Variants in CHSY3 observed in about 807,000 individuals in gnomAD.
The protein encoded by CHSY3 is N-acetylgalactosaminyl-proteoglycan 3-beta-glucuronosyltransferase 3.
In CHSY3, 35 loss-of-function variants were observed where a neutral mutation model predicts 67.2. The observed-to-expected ratio is 0.52, with a 90% CI of 0.40 to 0.69. The LOEUF is 0.69. Among genes scored for constraint, CHSY3 ranks in the 30% least tolerant of loss-of-function variants. The pLI is 0.00. For missense variants in CHSY3, 1,069 were observed against 1,138.5 expected, an observed-to-expected ratio of 0.94 and a Z score of 0.88; for synonymous variants, 474 against 434.7, an observed-to-expected ratio of 1.09 and a Z score of -1.12.
At chr5:129,993,846 T>C (rs1031503287) in intron 2 of CHSY3, among the ~76,000 whole-genome samples, 1 of 151,550 alleles carries the variant, frequency 6.6e-6, no homozygotes, top group Non-Finnish European at 1.5e-5. Flanking sequence ...CAGTGGCTGG[T>C]ACTGGTTGTT....
chr5:130,098,175 C>A (rs562399336), intron 2 of CHSY3, among the ~76,000 whole-genome samples: 1 of 152,208 alleles, frequency 6.6e-6, no homozygotes, highest in African/African-American at 2.4e-5. Context: ...TGAAGTATCC[C>A]TCATGAGAAC....
At chr5:129,989,434 G>A (rs1317432536) in intron 2 of CHSY3, among the ~76,000 whole-genome samples, 2 of 151,804 alleles carry the variant, frequency 1.3e-5, no homozygotes, top group African/African-American at 4.8e-5. Flanking sequence ...CAAATTTTGT[G>A]TTTTTAGTAG....
chr5:129,931,137 C>T lies in CHSY3; in HGVS notation c.1086+22777C>T, dbSNP rs910272048. ...GTGTGGCTTTGAAAATAATTTAAAA[C>T]ATGTATATTTGTGAAAAATATATCC... is the stretch of plus-strand genomic sequence containing the variant. On this transcript the variant is annotated intron_variant, in intron 2 of 2. Transcript: ENST00000305031. Among the ~76,000 whole-genome samples, 6 of 152,016 alleles carry T rather than the reference C, an allele frequency of 3.9e-5. No homozygotes were observed. In the South Asian group the frequency reaches 1.2e-3, roughly 32 times the overall value.
chr5:129,915,563 C>T (rs538632003), intron 2 of CHSY3, among the ~76,000 whole-genome samples: 92 of 152,176 alleles, frequency 6.0e-4, no homozygotes, highest in South Asian at 2.1e-3. Context: ...TTTACTCAAC[C>T]TTTGTAATTT....
Position 130,163,793 on chromosome 5 carries a change from TAG to T in CHSY3, c.1087-20434_1087-20433del, listed in dbSNP as rs1433067187. 2.0e-3 allele frequency among the ~76,000 whole-genome samples: 305 copies of T among 152,226 alleles called. 1 individual carries two copies. The highest frequency in any genetic ancestry group is 6.7e-3 in the African/African-American group (280 of 41,546). On this transcript the variant is annotated intron_variant, in intron 2 of 2. Coordinates refer to ENST00000305031, the MANE Select transcript of CHSY3 (RefSeq NM_175856.5). ...ATGTCTAATTGATAGAGGAATAAATTAGAAAGTAAAGCATTATAGTAAACACC... is the reference window on the plus strand; with the variant it reads ...ATGTCTAATTGATAGAGGAATAAATTAAAGTAAAGCATTATAGTAAACACC...
chr5:130,118,268 T>C (rs1342280169), intron 2 of CHSY3, among the ~76,000 whole-genome samples: 1 of 152,210 alleles, frequency 6.6e-6, no homozygotes, highest in Non-Finnish European at 1.5e-5. Context: ...TAGTAACTAA[T>C]ATTTTAGCTT....
intron 2 of CHSY3, among the ~76,000 whole-genome samples, chr5:129,959,886 GA>G: frequency 6.6e-6 from 1 of 152,080 alleles, no homozygotes; most frequent in African/African-American, 2.4e-5. Flanking sequence ...AAATTTCTCT[GA>G]TATCATACTT....
Position 129,939,543 on chromosome 5 carries a change from AAAAAT to A in CHSY3, c.1086+31192_1086+31196del, listed in dbSNP as rs371744851. On this transcript the variant is annotated intron_variant, in intron 2 of 2. Coordinates refer to ENST00000305031, the MANE Select transcript of CHSY3 (RefSeq NM_175856.5). Reference sequence around the variant, plus strand: ...GGTACTATGTTTTATGTATAATTTGAAAAATAAAATAAACTTAGAAATTACATACT... The same window carrying A: ...GGTACTATGTTTTATGTATAATTTGAAAAATAAACTTAGAAATTACATACT... Among the ~76,000 whole-genome samples, 871 of 152,290 alleles carry A rather than the reference AAAAAT, an allele frequency of 5.7e-3. 10 individuals carry two copies. Among genetic ancestry groups the A allele is most frequent in the African/African-American group, 0.02 (841 of 41,562 alleles).
In CHSY3 at chr5:130,186,443, A is replaced by G. The variant is rs10057029; in HGVS notation, c.*652A>G. 13,604 of 152,444 alleles carry G rather than the reference A, an allele frequency of 0.089. 1,483 individuals carry two copies. The highest frequency in any genetic ancestry group is 0.26 in the East Asian group (1,381 of 5,312). The allele number at this position is 152,444 out of a possible 1,614,324, so 9.4% of individuals were successfully genotyped here. On this transcript the variant is annotated 3_prime_UTR_variant, in exon 3 of 3. Coordinates refer to ENST00000305031, the MANE Select transcript of CHSY3 (RefSeq NM_175856.5). ...GTCTTATGACAATTATGAGCTCCTC[A>G]CAACTGTCTGCTATAAATGCGAATG...
chr5:129,986,238 G>A (rs1763197476), intron 2 of CHSY3, among the ~76,000 whole-genome samples: 1 of 152,056 alleles, frequency 6.6e-6, no homozygotes, highest in Admixed American at 6.6e-5. Flanking sequence ...TAACATGAAG[G>A]GATGTTGAAT....
chr5:130,181,235 C>T (rs901456371), intron 2 of CHSY3, among the ~76,000 whole-genome samples: 1 of 152,042 alleles, frequency 6.6e-6, no homozygotes, highest in African/African-American at 2.4e-5. Flanking sequence ...GGAGAGGAAG[C>T]CAGCTTAAAC....
chr5:130,074,378 T>C (rs2149683286), intron 2 of CHSY3, among the ~76,000 whole-genome samples: 1 of 152,278 alleles, frequency 6.6e-6, no homozygotes, highest in Admixed American at 6.5e-5. Context: ...GCCATACAAC[T>C]TTTTTTAATA....
At chr5:130,147,220 A>G (rs1438062255) in intron 2 of CHSY3, among the ~76,000 whole-genome samples, 1 of 152,178 alleles carries the variant, frequency 6.6e-6, no homozygotes, top group Non-Finnish European at 1.5e-5. Flanking sequence ...ATCTTGGACT[A>G]TGATCTAGAT....
Position 130,185,610 on chromosome 5 carries a change from G to C in CHSY3, c.2468G>C (p.Arg823Thr). The C allele has an allele frequency of 6.2e-7, 1 of 1,614,098 alleles. No homozygotes were observed. The change falls in exon 3 of 3, where the codon AGA becomes ACA. Residue 823 changes from arginine (R) to threonine (T), a missense_variant. By Grantham distance (71) the Arg-to-Thr change is moderately conservative (BLOSUM62 -1). Transcript: ENST00000305031. Reference sequence around the variant, plus strand: ...ATTCTATCTGGCTTAAGGCCATTCAGAAGCCAAGAAGTAGGAGTGGTGCAT... The same window carrying C: ...ATTCTATCTGGCTTAAGGCCATTCACAAGCCAAGAAGTAGGAGTGGTGCAT... ...KVILSGLRPF[R>T]SQEVGVVHIF...
At chr5:129,995,725 ACT>A (rs1335482846) in intron 2 of CHSY3, among the ~76,000 whole-genome samples, 1 of 151,492 alleles carries the variant, frequency 6.6e-6, no homozygotes, top group Non-Finnish European at 1.5e-5. Flanking sequence ...TATCCACTAT[ACT>A]CTGTTTTTTA....
intron 2 of CHSY3, among the ~76,000 whole-genome samples, chr5:130,181,268 G>A (rs1580805744): frequency 6.6e-6 from 1 of 152,176 alleles, no homozygotes; most frequent in South Asian, 2.1e-4. Context: ...ATTATTTCAA[G>A]CAAATTAATA....
At chr5:130,013,205 GC>G (rs1296971384) in intron 2 of CHSY3, among the ~76,000 whole-genome samples, 4 of 152,272 alleles carry the variant, frequency 2.6e-5, no homozygotes, top group African/African-American at 9.6e-5. Context: ...GCAGGGTACA[GC>G]CCCCCTCCTG....
chr5:130,010,644 AAC>A lies in CHSY3; in HGVS notation c.1086+102286_1086+102287del, dbSNP rs376198539. 2.5e-3 allele frequency among the ~76,000 whole-genome samples: 383 copies of A among 152,312 alleles called. 2 individuals are homozygous for A. Among genetic ancestry groups the A allele is most frequent in the Middle Eastern group, 0.014 (4 of 294 alleles). ...AAATAAATAACCAAACTTAGAGCTG[AAC>A]AGAGTGAAATGGAGTATTGAAAAGT... is the stretch of plus-strand genomic sequence containing the variant. On this transcript the variant is annotated intron_variant, in intron 2 of 2. Coordinates refer to ENST00000305031, the MANE Select transcript of CHSY3 (RefSeq NM_175856.5).
At chr5:130,151,239 A>C (rs2149724089) in intron 2 of CHSY3, among the ~76,000 whole-genome samples, 1 of 152,314 alleles carries the variant, frequency 6.6e-6, no homozygotes, top group Admixed American at 6.5e-5. Flanking sequence ...TCAGAAAATA[A>C]AACTCAAAAA....
Sources: allele counts gnomAD v4.1 joint callset (sites outside exome capture counted in the v4.1 genomes callset), GRCh38; gene constraint gnomAD v4.1.1; transcripts MANE v1.5; gene names NCBI Gene and HGNC (gene_info 2026-07-23, HGNC 2026-07-21).